The following ABCB1 variants were observed in gnomAD, a reference collection of about 807,000 sequenced individuals.
ABCB1 encodes the protein ATP binding cassette subfamily B member 1, also known as ATP-dependent translocase ABCB1.
ABCB1 carries 69 observed loss-of-function variants against 142.0 expected under a neutral mutation model. The ratio of observed to expected loss-of-function variants is 0.49; its 90% CI spans 0.40 to 0.59. The LOEUF (loss-of-function observed/expected upper bound fraction) is 0.59. Among genes scored for constraint, ABCB1 ranks in the 20% least tolerant of loss-of-function variants. ABCB1 has a pLI of 0.00. For missense variants in ABCB1, 1,326 were observed against 1,554.7 expected (o/e 0.85, Z 2.47); for synonymous variants, 532 against 539.2 (o/e 0.99, Z 0.18).
Position 87,508,112 on chromosome 7 carries a change from T to TA in ABCB1, c.3489+1162dup, listed in dbSNP as rs574319397. 3.0e-4 allele frequency among the ~76,000 whole-genome samples: 45 copies of TA among 152,270 alleles called. No individual in the cohort carries two copies. The East Asian group carries it at 6.4e-3, about 22-fold the overall frequency. ...AATATACCCAGGTATAATAAACCTG[T>TA]ACATGTACCCCCTAAGTCTAAAATA... is the stretch of plus-strand genomic sequence containing the variant. On this transcript the variant is annotated intron_variant, in intron 26 of 27. Coordinates refer to ENST00000622132, the MANE Select transcript of ABCB1 (RefSeq NM_001348946.2).
In ABCB1 at chr7:87,542,658, C is replaced by CT. The variant is rs71649831; in HGVS notation, c.2212-1195dup. Among the ~76,000 whole-genome samples, 442 of 146,448 alleles carry CT rather than the reference C, an allele frequency of 3.0e-3. 7 individuals carry two copies. The highest frequency in any genetic ancestry group is 0.019 in the Admixed American group (275 of 14,708). On this transcript the variant is annotated intron_variant, in intron 17 of 27. Coordinates refer to ENST00000622132, the MANE Select transcript of ABCB1 (RefSeq NM_001348946.2). The stretch of plus-strand genomic sequence containing the variant: ...AACCCATTCCTAACTTAACCATTTC[C>CT]TTTTTTTTTTTTTCTCTGATGACAC...
chr7:87,678,665 A>G (rs1171280781), intron 1 of ABCB1, among the ~76,000 whole-genome samples: 2 of 152,192 alleles, frequency 1.3e-5, no homozygotes. Flanking sequence ...GACTGGGTAA[A>G]AAAAGGACTC....
intron 1 of ABCB1, among the ~76,000 whole-genome samples, chr7:87,655,818 G>C (rs73705295): frequency 0.013 from 2,021 of 152,204 alleles, 50 homozygotes; most frequent in African/African-American, 0.046. Context: ...GGGAAGTGGG[G>C]CTTTTTGGGA....
At chr7:87,569,031 G>A (rs561664996) in intron 5 of ABCB1, among the ~76,000 whole-genome samples, 81 of 152,188 alleles carry the variant, frequency 5.3e-4, no homozygotes, top group African/African-American at 1.9e-3. Flanking sequence ...TTCAAAATAT[G>A]ATAAAGTGTC....
In ABCB1 at chr7:87,553,895, T is replaced by G. The variant is rs1176774424; in HGVS notation, c.865A>C (p.Ile289Leu). The change falls in exon 9 of 28, where the codon ATA becomes CTA. Residue 289 changes from isoleucine to leucine, a missense_variant. Ile to Leu is a conservative substitution (Grantham distance 5). Transcript: ENST00000622132. ...KNLEEAKRIGIKKAITANISI... is the reference protein window; with the variant it reads ...KNLEEAKRIGLKKAITANISI... ...ATATTGGCTGTAATAGCTTTCTTTA[T>G]CCCAATTCTTTTAGCTTCTTCTAAA... 6.2e-7 allele frequency: 1 copy of G among 1,614,068 alleles called. No individual in the cohort carries two copies.
Position 87,544,277 on chromosome 7 carries a change from T to C in ABCB1, c.2065-2A>G. 1.2e-6 allele frequency: 2 copies of C among 1,612,544 alleles called. No individual in the cohort carries two copies. The highest frequency in any genetic ancestry group is 1.7e-6 in the Non-Finnish European group (2 of 1,179,776). On this transcript the variant is annotated splice_acceptor_variant, in intron 16 of 27. Transcript: ENST00000622132. LOFTEE classifies it high-confidence loss of function. ...GGAAACTGGAGGTATACTTTCATCC[T>C]AGAAAACACAAATTATTACAACAGG... is the stretch of plus-strand genomic sequence containing the variant.
intron 9 of ABCB1, 117 bp downstream of exon 9, chr7:87,553,644 A>C: frequency 1.8e-6 from 2 of 1,126,526 alleles, no homozygotes; most frequent in Non-Finnish European, 2.6e-6. Context: ...CTAGTAGTGC[A>C]TATGTCTGTA....
intron 1 of ABCB1, among the ~76,000 whole-genome samples, chr7:87,636,219 G>A (rs1325188708): frequency 2.0e-5 from 3 of 152,148 alleles, no homozygotes; most frequent in East Asian, 1.9e-4. Context: ...AGTTCCAGTT[G>A]TTCTGTATCC....
intron 3 of ABCB1, among the ~76,000 whole-genome samples, chr7:87,593,365 TA>T (rs143743768): frequency 0.03 from 4,563 of 152,358 alleles, 63 homozygotes; most frequent in Middle Eastern, 0.048. Context: ...GATATAAATT[TA>T]AAAGGCTAGT....
chr7:87,613,262 T>TC lies in ABCB1; in HGVS notation c.-330-12185_-330-12184insG, dbSNP rs1208253819. 7.0e-5 allele frequency among the ~76,000 whole-genome samples: 10 copies of TC among 142,352 alleles called. No individual in the cohort carries two copies. The East Asian group carries it at 8.2e-4, about 12-fold the overall frequency. The allele number at this position is 142,352 out of a possible 152,430, so 93.4% of individuals were successfully genotyped here. ...AATTTGAATGTCCTTTATTTCTTTTTTTTTTTTTTTTTTTTTTTTGCCTGA... is the reference window on the plus strand; with the variant it reads ...AATTTGAATGTCCTTTATTTCTTTTTCTTTTTTTTTTTTTTTTTTTGCCTGA... On this transcript the variant is annotated intron_variant, in intron 1 of 28. Coordinates refer to the ABCB1 transcript ENST00000265724.
At chr7:87,606,749 T>C (rs1157115417) in intron 1 of ABCB1, among the ~76,000 whole-genome samples, 1 of 152,114 alleles carries the variant, frequency 6.6e-6, no homozygotes, top group African/African-American at 2.4e-5. Flanking sequence ...CTTTTAGTGA[T>C]GAAAGTTAGG....
intron 4 of ABCB1, among the ~76,000 whole-genome samples, chr7:87,575,744 C>T (rs959998994): frequency 6.6e-6 from 1 of 152,118 alleles, no homozygotes; most frequent in South Asian, 2.1e-4. Context: ...GAACTACAGT[C>T]TTTTTATGTG....
intron 1 of ABCB1, among the ~76,000 whole-genome samples, chr7:87,609,548 CAGG>C: frequency 6.6e-6 from 1 of 152,268 alleles, no homozygotes; most frequent in Admixed American, 6.5e-5. Flanking sequence ...ATCATATTGA[CAGG>C]AGGATTCTAA....
intron 1 of ABCB1, among the ~76,000 whole-genome samples, chr7:87,617,027 A>G (rs951373064): frequency 1.3e-5 from 2 of 152,192 alleles, no homozygotes; most frequent in Non-Finnish European, 2.9e-5. Context: ...TGGGAGTGGG[A>G]TACAAGTTGA....
chr7:87,682,364 C>T (rs7793202), intron 1 of ABCB1, among the ~76,000 whole-genome samples: 2,072 of 152,242 alleles, frequency 0.014, 50 homozygotes, highest in African/African-American at 0.047. Flanking sequence ...ATGTTCTTGA[C>T]GAATCTTTTC....
intron 25 of ABCB1, among the ~76,000 whole-genome samples, chr7:87,512,508 A>G (rs1301664060): frequency 6.6e-6 from 1 of 152,220 alleles, no homozygotes; most frequent in Non-Finnish European, 1.5e-5. Context: ...TTTCAGGTCA[A>G]TGTTTTTCAA....
At chr7:87,706,286 G>GTT (rs199577254) in intron 1 of ABCB1, among the ~76,000 whole-genome samples, 1 of 149,284 alleles carries the variant, frequency 6.7e-6, no homozygotes, top group Non-Finnish European at 1.5e-5. Flanking sequence ...CTACTTGAGA[G>GTT]TTTTTTTTTT....
chr7:87,506,836 C>T (rs1001941613), intron 26 of ABCB1, among the ~76,000 whole-genome samples: 1 of 152,150 alleles, frequency 6.6e-6, no homozygotes, highest in Non-Finnish European at 1.5e-5. Context: ...TATCTGGCAA[C>T]CCTAGTTTTG....
chr7:87,651,401 C>T (rs1823554930), intron 1 of ABCB1, among the ~76,000 whole-genome samples: 1 of 151,932 alleles, frequency 6.6e-6, no homozygotes, highest in African/African-American at 2.4e-5. Context: ...AAAAAGTATA[C>T]TTACATTAGA....
Sources: allele counts gnomAD v4.1 joint callset (sites outside exome capture counted in the v4.1 genomes callset), GRCh38; gene constraint gnomAD v4.1.1; transcripts MANE v1.5; gene names NCBI Gene and HGNC (gene_info 2026-07-23, HGNC 2026-07-21).